Variants in ABR observed in about 807,000 individuals in gnomAD.
ABR encodes active breakpoint cluster region-related protein.
In ABR, 35 loss-of-function variants were observed where a neutral mutation model predicts 107.2. The observed-to-expected ratio is 0.33, with a 90% CI of 0.25 to 0.43. ABR has a LOEUF of 0.43. Among genes scored for constraint, ABR ranks in the 20% least tolerant of loss-of-function variants. The pLI, the probability that ABR is intolerant of heterozygous loss-of-function variation, is 1.00. For synonymous variants in ABR, 498 were observed against 462.0 expected (o/e 1.08, Z -1.00); for missense variants, 815 against 1,115.2 (o/e 0.73, Z 3.83).
chr17:1,054,155 G>A (rs11655879), intron 14 of ABR, among the ~76,000 whole-genome samples: 16,580 of 152,274 alleles, frequency 0.11, 1,190 homozygotes, highest in Non-Finnish European at 0.16. Context: ...GATGGTTTCC[G>A]TGACCTCGGC....
chr17:1,018,660 G>A lies in ABR; in HGVS notation c.1792-5496C>T, dbSNP rs138085731. ...GCTGATCTGAGTCTCCCATTCAACC[G>A]TGCGCACTCGGGCAAGGCCTTTCAC... is the stretch of plus-strand genomic sequence containing the variant. On this transcript the variant is annotated intron_variant, in intron 16 of 22. Transcript: ENST00000302538. Among the ~76,000 whole-genome samples the A allele has an allele frequency of 1.0e-3, 157 of 152,238 alleles. No individual in the cohort carries two copies. The East Asian group carries it at 0.014, about 13-fold the overall frequency.
intron 1 of ABR, among the ~76,000 whole-genome samples, chr17:1,164,926 A>G (rs1165057880): frequency 6.6e-6 from 1 of 152,102 alleles, no homozygotes; most frequent in Non-Finnish European, 1.5e-5. Flanking sequence ...GCCTCCCAAT[A>G]TGCCCAGCCA....
At chr17:1,098,388 T>C (rs1275093229) in intron 3 of ABR, among the ~76,000 whole-genome samples, 1 of 152,028 alleles carries the variant, frequency 6.6e-6, no homozygotes, top group Non-Finnish European at 1.5e-5. Flanking sequence ...AAGCCAGCAG[T>C]TTTCAAACCC....
chr17:1,139,395 G>A lies in ABR; in HGVS notation c.62-14028C>T, dbSNP rs553497624. ...GCCTCCCGAGTAGCTGGGACTACAG[G>A]TGCCTGCCATCATGCCCGGCTAATT... is the stretch of plus-strand genomic sequence containing the variant. On this transcript the variant is annotated intron_variant, in intron 1 of 22. Transcript: ENST00000302538. Among the ~76,000 whole-genome samples, 104 of 152,256 alleles carry A rather than the reference G, an allele frequency of 6.8e-4. 1 individual carries two copies. Among genetic ancestry groups the A allele is most frequent in the African/African-American group, 2.4e-3 (100 of 41,562 alleles).
intron 2 of ABR, among the ~76,000 whole-genome samples, chr17:1,109,783 G>C (rs1234472906): frequency 6.6e-6 from 1 of 152,118 alleles, no homozygotes; most frequent in Non-Finnish European, 1.5e-5. Flanking sequence ...AGGCAGGAGC[G>C]CGGCGCCACC....
chr17:1,030,973 G>C (rs953691015), intron 16 of ABR, among the ~76,000 whole-genome samples: 1 of 152,242 alleles, frequency 6.6e-6, no homozygotes, highest in African/African-American at 2.4e-5. Flanking sequence ...CTGCAGGACA[G>C]TCGGCTTCTA....
At chr17:1,104,715 G>C (rs1305688628) in intron 2 of ABR, among the ~76,000 whole-genome samples, 1 of 152,248 alleles carries the variant, frequency 6.6e-6, no homozygotes, top group Non-Finnish European at 1.5e-5. Flanking sequence ...CTCTCCCAGC[G>C]CTAGGCGCTG....
At chr17:1,126,042 G>T (rs1459705756) in intron 1 of ABR, among the ~76,000 whole-genome samples, 1 of 152,176 alleles carries the variant, frequency 6.6e-6, no homozygotes, top group African/African-American at 2.4e-5. Flanking sequence ...TCCTTCAAAG[G>T]AGGAGGGAAG....
At chr17:1,129,276 G>A (rs771498142) in intron 1 of ABR, among the ~76,000 whole-genome samples, 5 of 152,146 alleles carry the variant, frequency 3.3e-5, no homozygotes, top group Non-Finnish European at 7.4e-5. Context: ...AGGGGCTCAC[G>A]CCTGTAATCC....
intron 10 of ABR, among the ~76,000 whole-genome samples, chr17:1,065,742 C>CTTTTTT (rs56388222): frequency 5.2e-5 from 6 of 116,340 alleles, no homozygotes; most frequent in Non-Finnish European, 7.0e-5. Flanking sequence ...CAAACCAATG[C>CTTTTTT]TTTTTTTTTT....
At chr17:1,184,572 C>T (rs564029196), upstream of ABR, among the ~76,000 whole-genome samples, 11 of 152,316 alleles carry the variant, frequency 7.2e-5, no homozygotes, top group South Asian at 8.3e-4. Flanking sequence ...CACATGGTGC[C>T]TCCAGATCAG....
intron 21 of ABR, 50 bp from the exon 22 acceptor site, chr17:1,007,362 C>T (rs745480706): frequency 1.2e-5 from 19 of 1,607,946 alleles, no homozygotes; most frequent in East Asian, 2.2e-5. Flanking sequence ...AGCAGCCACT[C>T]GGAGCTCCAG....
intron 1 of ABR, among the ~76,000 whole-genome samples, chr17:1,209,829 T>C (rs115036586): frequency 9.4e-4 from 143 of 152,322 alleles, no homozygotes; most frequent in African/African-American, 3.4e-3. Flanking sequence ...GGAGGTATAA[T>C]CACTCTAAAT....
At position 1,006,133 on chromosome 17, in the gene ABR, TG is replaced by T. The variant is rs750897785; in HGVS notation, c.2526del (p.Ile843PhefsTer41). ...QVLLYYLQHP[P>X]ISFAELKRNT... ...TTCCGCTTGAGTTCTGCGAAGGAAA[TG>T]GGGGGGTGCTGCAGGTAGTAGAGGA... is the stretch of plus-strand genomic sequence containing the variant. On this transcript the variant is annotated frameshift_variant, in exon 23 of 23. Transcript: ENST00000302538. LOFTEE classifies it high-confidence loss of function. 6.9e-6 allele frequency: 11 copies of T among 1,587,902 alleles called. No homozygotes were observed. The highest frequency in any genetic ancestry group is 3.6e-5 in the Admixed American group (2 of 56,008).
chr17:1,150,701 A>C lies in ABR; in HGVS notation c.62-25334T>G, dbSNP rs1450758159. On this transcript the variant is annotated intron_variant, in intron 1 of 22. Transcript: ENST00000302538. The surrounding 1 kb of genome is among the most constrained non-coding windows in gnomAD (Gnocchi z 4.8). ...TACACGGTCTGTGGTAACATCCTGC[A>C]CGGCTCTAAACCAGAGGCAACAGGG... Among the ~76,000 whole-genome samples the C allele has an allele frequency of 6.6e-6, 1 of 152,142 alleles. No homozygotes were observed. Among genetic ancestry groups the C allele is most frequent in the East Asian group, 1.9e-4 (1 of 5,184 alleles).
chr17:1,165,881 T>C (rs966424414), intron 1 of ABR, among the ~76,000 whole-genome samples: 8 of 152,170 alleles, frequency 5.3e-5, no homozygotes, highest in Admixed American at 5.2e-4. Context: ...TGCCATGGTC[T>C]CTCTGAGTCC....
intron 2 of ABR, among the ~76,000 whole-genome samples, chr17:1,106,179 A>G (rs963280561): frequency 1.6e-5 from 2 of 127,544 alleles, no homozygotes; most frequent in African/African-American, 6.1e-5. Context: ...ACTGCAGCCA[A>G]CTTTACCTCT....
At chr17:1,048,697 G>A (rs1392589088) in intron 16 of ABR, among the ~76,000 whole-genome samples, 6 of 147,390 alleles carry the variant, frequency 4.1e-5, no homozygotes, top group Non-Finnish European at 7.4e-5. Context: ...CCGGGGCCAC[G>A]GTCAAGAAGC....
intron 1 of ABR, among the ~76,000 whole-genome samples, chr17:1,226,671 A>C (rs1392449358): frequency 6.7e-6 from 1 of 148,310 alleles, no homozygotes; most frequent in Non-Finnish European, 1.5e-5. Flanking sequence ...TGTATGTGAC[A>C]GTATGCCATG....
Sources: allele counts gnomAD v4.1 joint callset (sites outside exome capture counted in the v4.1 genomes callset), GRCh38; gene constraint gnomAD v4.1.1; non-coding constraint Gnocchi (gnomAD v3.1); transcripts MANE v1.5; gene names NCBI Gene and HGNC (gene_info 2026-07-23, HGNC 2026-07-21).